Variants in GPHN observed in about 807,000 individuals in gnomAD.
GPHN encodes gephyrin.
GPHN carries 17 observed loss-of-function variants against 95.5 expected under a neutral mutation model. That is an observed-to-expected ratio of 0.18 (90% CI 0.12 to 0.27). The LOEUF is 0.27. Ranked by LOEUF, GPHN falls within the 10% of genes least tolerant of loss-of-function variation. The pLI is 1.00. For synonymous variants in GPHN, 320 were observed against 322.5 expected (o/e 0.99, Z 0.08); for missense variants, 660 against 978.1 (o/e 0.67, Z 4.34).
chr14:66,582,848 TGTGC>T (rs1248401222), intron 1 of GPHN, among the ~76,000 whole-genome samples: 13 of 152,286 alleles, frequency 8.5e-5, no homozygotes, highest in Middle Eastern at 6.8e-3. Flanking sequence ...TAAACATACA[TGTGC>T]ATGTGTCTTT....
chr14:67,417,451 A>C, the GPHN span, among the ~76,000 whole-genome samples: 1 of 152,180 alleles, frequency 6.6e-6, no homozygotes. Flanking sequence ...TTTATTTTTG[A>C]GACAGGTTCT....
At chr14:67,216,254 C>A in the GPHN span, among the ~76,000 whole-genome samples, 1 of 152,054 alleles carries the variant, frequency 6.6e-6, no homozygotes, top group Non-Finnish European at 1.5e-5. Context: ...AGGATTTTGT[C>A]ATCTATATTC....
intron 13 of GPHN, among the ~76,000 whole-genome samples, chr14:67,106,768 TA>T (rs2078063717): frequency 6.6e-6 from 1 of 152,212 alleles, no homozygotes; most frequent in Non-Finnish European, 1.5e-5. Context: ...TTGTTTTATC[TA>T]ATTGAGTTTC....
At chr14:67,030,374 A>T (rs969751304) in intron 10 of GPHN, among the ~76,000 whole-genome samples, 2 of 152,184 alleles carry the variant, frequency 1.3e-5, no homozygotes, top group Non-Finnish European at 1.5e-5. Flanking sequence ...TACAAATCTA[A>T]ACCTATCATA....
the GPHN span, among the ~76,000 whole-genome samples, chr14:67,416,392 A>T: frequency 1.3e-5 from 2 of 152,156 alleles, no homozygotes; most frequent in African/African-American, 4.8e-5. Flanking sequence ...TGGGCGGTGA[A>T]GTCCCAGAGT....
the GPHN span, chr14:67,734,044 G>T: frequency 1.9e-6 from 1 of 514,040 alleles, no homozygotes; most frequent in Non-Finnish European, 3.7e-6. Flanking sequence ...CATGAGTTGT[G>T]GACACCTATA....
chr14:66,594,402 C>T lies in GPHN; in HGVS notation c.64+85811C>T, dbSNP rs145167072. On this transcript the variant is annotated intron_variant, in intron 1 of 22. Transcript: ENST00000478722. ...GGATAAAACTGGAGGCCTCATAGTG[C>T]GTGCTTTGAAAATCTACTACAAAGC... Among the ~76,000 whole-genome samples, 230 of 152,216 alleles carry T rather than the reference C, an allele frequency of 1.5e-3. 1 individual carries two copies. Among genetic ancestry groups the T allele is most frequent in the African/African-American group, 4.3e-3 (177 of 41,522 alleles).
At chr14:66,991,408 G>A (rs117458390) in intron 9 of GPHN, among the ~76,000 whole-genome samples, 2 of 151,906 alleles carry the variant, frequency 1.3e-5, no homozygotes, top group South Asian at 2.1e-4. Flanking sequence ...CTATTAAGAA[G>A]AATATTAAAA....
chr14:66,517,452 G>T (rs1034351118), intron 1 of GPHN, among the ~76,000 whole-genome samples: 1 of 152,124 alleles, frequency 6.6e-6, no homozygotes, highest in Non-Finnish European at 1.5e-5. Flanking sequence ...GTTAAAATTT[G>T]TATGGAACCA....
intron 2 of GPHN, among the ~76,000 whole-genome samples, chr14:66,734,650 A>C (rs566312720): frequency 6.6e-6 from 1 of 152,312 alleles, no homozygotes; most frequent in South Asian, 2.1e-4. Context: ...CTCAGTAAAA[A>C]TACTTTTTAT....
At chr14:67,569,207 G>A in the GPHN span, 1 of 1,610,052 alleles carries the variant, frequency 6.2e-7, no homozygotes, top group East Asian at 2.2e-5. Context: ...AAGTAATACT[G>A]CATGCTGCGG....
At chr14:67,335,405 T>TAATA in the GPHN span, 1 of 152,362 alleles carries the variant, frequency 6.6e-6, no homozygotes, top group East Asian at 1.9e-4. Context: ...TCTTACCATT[T>TAATA]AATATAGAAA....
chr14:67,301,750 T>C, the GPHN span, among the ~76,000 whole-genome samples: 1 of 152,200 alleles, frequency 6.6e-6, no homozygotes, highest in East Asian at 1.9e-4. Flanking sequence ...TGTAGACCTT[T>C]ACATTGATGT....
intron 2 of GPHN, among the ~76,000 whole-genome samples, chr14:66,704,077 C>T (rs1230026798): frequency 6.6e-6 from 1 of 151,784 alleles, no homozygotes; most frequent in Non-Finnish European, 1.5e-5. Context: ...CAAAGAAGGG[C>T]ATTACATAAT....
chr14:67,092,897 C>G (rs1005678931), intron 12 of GPHN, among the ~76,000 whole-genome samples: 2 of 152,042 alleles, frequency 1.3e-5, no homozygotes, highest in Non-Finnish European at 2.9e-5. Context: ...ACTGATGAAG[C>G]TAATCATCCT....
chr14:67,165,863 G>A (rs3866760), intron 20 of GPHN, among the ~76,000 whole-genome samples: 35,856 of 152,100 alleles, frequency 0.24, 8,356 homozygotes, highest in African/African-American at 0.57. Context: ...TTCAGTTCAC[G>A]ATGATTTTCA....
chr14:67,689,973 ATAGATCACACAGC>A, the GPHN span: 1 of 467,430 alleles, frequency 2.1e-6, no homozygotes, highest in Non-Finnish European at 3.9e-6. Context: ...GTAACTTGCT[ATAGATCACACAGC>A]TAGTAAGTAG....
intron 1 of GPHN, among the ~76,000 whole-genome samples, chr14:66,546,064 G>C (rs1057316079): frequency 6.6e-6 from 1 of 151,308 alleles, no homozygotes; most frequent in African/African-American, 2.4e-5. Context: ...GGTTGCGGCC[G>C]GGTAGAGGTG....
At chr14:67,691,188 A>C in the GPHN span, 2 of 1,614,002 alleles carry the variant, frequency 1.2e-6, no homozygotes, top group East Asian at 4.5e-5. Flanking sequence ...GCTGTCTTCG[A>C]GTACGGACAC....
Sources: gnomAD v4.1 joint callset for allele counts (sites outside exome capture counted in the v4.1 genomes callset) on GRCh38, gnomAD v4.1.1 for gene constraint, MANE v1.5 for transcripts, NCBI Gene and HGNC (gene_info 2026-07-23, HGNC 2026-07-21) for gene names.